DGCR2: variants seen among roughly 807,000 people sequenced by gnomAD.
DGCR2 encodes DiGeorge syndrome critical region gene 2, also known as integral membrane protein DGCR2/IDD.
DGCR2 carries 24 observed loss-of-function variants against 51.6 expected under a neutral mutation model. The observed-to-expected ratio is 0.47, with a 90% confidence interval of 0.34 to 0.65. The LOEUF (loss-of-function observed/expected upper bound fraction) is 0.65, where lower values mean the gene tolerates loss of function less well. Among genes scored for constraint, DGCR2 ranks in the 30% least tolerant of loss-of-function variants. The pLI is 0.01. For missense variants in DGCR2, 765 were observed against 772.1 expected (o/e 0.99, Z 0.11); for synonymous variants, 340 against 315.4 (o/e 1.08, Z -0.82).
At chr22:19,090,078 G>A (rs941879666) in intron 1 of DGCR2, among the ~76,000 whole-genome samples, 1 of 152,172 alleles carries the variant, frequency 6.6e-6, no homozygotes, top group Middle Eastern at 3.2e-3. Context: ...AAGATGAAAA[G>A]TACGCTGCAG....
At chr22:19,110,932 T>C (rs551804905) in intron 1 of DGCR2, among the ~76,000 whole-genome samples, 1 of 152,336 alleles carries the variant, frequency 6.6e-6, no homozygotes, top group South Asian at 2.1e-4. Context: ...AAGCTAAAAT[T>C]TCATTTAACT....
intron 1 of DGCR2, among the ~76,000 whole-genome samples, chr22:19,094,574 A>G (rs2083117436): frequency 6.6e-6 from 1 of 152,204 alleles, no homozygotes; most frequent in African/African-American, 2.4e-5. Context: ...ACTTCTTTGG[A>G]AAACAATTTG....
At chr22:19,117,136 C>T (rs757466904) in intron 1 of DGCR2, among the ~76,000 whole-genome samples, 3 of 152,154 alleles carry the variant, frequency 2.0e-5, no homozygotes, top group Admixed American at 6.5e-5. Flanking sequence ...GATTACCTGC[C>T]GTCACTGCTA....
intron 7 of DGCR2, among the ~76,000 whole-genome samples, chr22:19,044,248 G>A (rs994441768): frequency 6.6e-6 from 1 of 152,208 alleles, no homozygotes; most frequent in African/African-American, 2.4e-5. Flanking sequence ...GCCAGCCCAG[G>A]GGCCCCAGAG....
intron 2 of DGCR2, among the ~76,000 whole-genome samples, chr22:19,083,830 T>A (rs2082972240): frequency 1.3e-5 from 2 of 149,506 alleles, no homozygotes; most frequent in South Asian, 4.5e-4. Context: ...CTGATTCTCC[T>A]GCCTCAGCCT....
intron 6 of DGCR2, among the ~76,000 whole-genome samples, chr22:19,054,933 T>C (rs1049240525): frequency 2.6e-5 from 4 of 152,078 alleles, no homozygotes; most frequent in African/African-American, 9.7e-5. Context: ...CTGACCAACA[T>C]GGTGAAACGC....
rs1164186920 is a variant in DGCR2, at chr22:19,078,280, CTGTTA to C, written c.203-10060_203-10056del. On this transcript the variant is annotated intron_variant, in intron 2 of 9. Coordinates refer to ENST00000263196, the MANE Select transcript of DGCR2 (RefSeq NM_005137.3). ...TTTACAATAGGTTTAAGACATAAAT[CTGTTA>C]TAAGTTGAGGAATATCTGTATTTTA... is the stretch of plus-strand genomic sequence containing the variant. 2.6e-5 allele frequency among the ~76,000 whole-genome samples: 4 copies of C among 152,180 alleles called. No homozygotes were observed. In the South Asian group the frequency reaches 6.2e-4, roughly 24 times the overall value.
chr22:19,077,031 C>A (rs2082885583), intron 2 of DGCR2, among the ~76,000 whole-genome samples: 1 of 152,134 alleles, frequency 6.6e-6, no homozygotes, highest in Non-Finnish European at 1.5e-5. Context: ...GTCCTTTGCA[C>A]ATTTTTTAAC....
chr22:19,089,510 G>A lies in DGCR2; in HGVS notation c.80-20C>T. 6.6e-7 allele frequency: 1 copy of A among 1,521,356 alleles called. No individual in the cohort carries two copies. The highest frequency in any genetic ancestry group is 8.9e-7 in the Non-Finnish European group (1 of 1,125,792). The allele number at this position is 1,521,356 out of a possible 1,614,324, so 94.2% of individuals were successfully genotyped here. A position where few individuals can be genotyped will look rare whatever the true frequency, so the allele number is the denominator to read the frequency against. ...GCAGCTCTGTGGGACCAAAGGGTGA[G>A]AGGCCATTGAGGAAGTGGCAGTAGG... is the stretch of plus-strand genomic sequence containing the variant. On this transcript the variant is annotated intron_variant, in intron 1 of 9. Coordinates refer to ENST00000263196, the MANE Select transcript of DGCR2 (RefSeq NM_005137.3).
At chr22:19,080,414 T>C (rs374410307) in intron 2 of DGCR2, among the ~76,000 whole-genome samples, 3 of 152,262 alleles carry the variant, frequency 2.0e-5, no homozygotes, top group Middle Eastern at 3.2e-3. Context: ...GAAGTATTCA[T>C]GGGATGTTTT....
intron 3 of DGCR2, 26 bp downstream of exon 3, chr22:19,068,074 C>T (rs758694517): frequency 2.0e-6 from 3 of 1,538,238 alleles, no homozygotes; most frequent in Admixed American, 2.0e-5. Context: ...CCCCAGTGTC[C>T]CAGTCAGGGC....
At position 19,039,702 on chromosome 22, in the gene DGCR2, C is replaced by T. The variant is rs574858235; in HGVS notation, c.1397-581G>A. Among the ~76,000 whole-genome samples, 4 of 152,180 alleles carry T rather than the reference C, an allele frequency of 2.6e-5. No individual in the cohort carries two copies. The Middle Eastern group carries it at 0.01, about 388-fold the overall frequency. ...GGCAGTCGACTCGCTTTGTTTTGCC[C>T]GATCTTTATTACTTGCTTTTTTTTT... is the stretch of plus-strand genomic sequence containing the variant. On this transcript the variant is annotated intron_variant, in intron 9 of 9. Coordinates refer to ENST00000263196, the MANE Select transcript of DGCR2 (RefSeq NM_005137.3).
intron 7 of DGCR2, among the ~76,000 whole-genome samples, chr22:19,043,517 G>A (rs2146304963): frequency 6.6e-6 from 1 of 152,298 alleles, no homozygotes; most frequent in Non-Finnish European, 1.5e-5. Context: ...AGAAGTCACA[G>A]AATAATGGAA....
intron 2 of DGCR2, 93 bp downstream of exon 2, chr22:19,089,275 C>G: frequency 7.3e-7 from 1 of 1,375,046 alleles, no homozygotes; most frequent in Non-Finnish European, 9.7e-7. Flanking sequence ...TGTGTTAAGA[C>G]AGCACACACC....
chr22:19,063,105 C>A (rs561071551), intron 5 of DGCR2, 97 bp downstream of exon 5: 6 of 1,197,172 alleles, frequency 5.0e-6, no homozygotes, highest in South Asian at 2.6e-5. Context: ...AGCACCCCTA[C>A]GGGCCAGGCA....
At chr22:19,040,051 A>C (rs1482108275) in intron 9 of DGCR2, among the ~76,000 whole-genome samples, 1 of 152,134 alleles carries the variant, frequency 6.6e-6, no homozygotes, top group African/African-American at 2.4e-5. Flanking sequence ...CTGAAAGCTA[A>C]CAGCACAAGG....
intron 6 of DGCR2, among the ~76,000 whole-genome samples, chr22:19,053,198 G>C (rs1024660245): frequency 4.6e-5 from 7 of 152,196 alleles, no homozygotes; most frequent in Non-Finnish European, 5.9e-5. Flanking sequence ...CTGCAGGAGG[G>C]TCAGAAGCAC....
chr22:19,054,489 A>T (rs2082580470), intron 6 of DGCR2, among the ~76,000 whole-genome samples: 1 of 152,260 alleles, frequency 6.6e-6, no homozygotes, highest in South Asian at 2.1e-4. Flanking sequence ...TGGTTCTATC[A>T]AACACTCAAA....
chr22:19,044,298 T>C (rs2082464625), intron 7 of DGCR2, among the ~76,000 whole-genome samples: 1 of 152,220 alleles, frequency 6.6e-6, no homozygotes, highest in Admixed American at 6.5e-5. Context: ...AGTTCTGGGC[T>C]GTGCAGTTGG....
Sources: gnomAD v4.1 joint callset for allele counts (sites outside exome capture counted in the v4.1 genomes callset) on GRCh38, gnomAD v4.1.1 for gene constraint, MANE v1.5 for transcripts, NCBI Gene and HGNC (gene_info 2026-07-23, HGNC 2026-07-21) for gene names.